CFAP54: variants seen among roughly 807,000 people sequenced by gnomAD.
CFAP54 encodes cilia- and flagella-associated protein 54.
Under a neutral mutation model 370.4 loss-of-function variants are expected in CFAP54, and 290 were observed. That is an observed-to-expected ratio of 0.78 (90% confidence interval 0.71 to 0.86). The LOEUF (loss-of-function observed/expected upper bound fraction) is 0.86. Ranked by LOEUF, CFAP54 falls within the 40% of genes least tolerant of loss-of-function variation. CFAP54 has a pLI of 0.00. For missense variants in CFAP54, 3,399 were observed against 3,528.7 expected, an observed-to-expected ratio of 0.96 and a Z score of 0.93; for synonymous variants, 1,206 against 1,236.5, an observed-to-expected ratio of 0.98 and a Z score of 0.52.
intron 14 of CFAP54, among the ~76,000 whole-genome samples, chr12:96,542,700 C>T (rs1271097839): frequency 1.3e-5 from 2 of 152,112 alleles, no homozygotes; most frequent in Non-Finnish European, 2.9e-5. Context: ...AAGGATTTTT[C>T]AAAACATAAA....
intron 58 of CFAP54, among the ~76,000 whole-genome samples, chr12:96,758,467 C>T (rs566649089): frequency 1.3e-5 from 2 of 152,232 alleles, no homozygotes; most frequent in African/African-American, 4.8e-5. Flanking sequence ...ACCATGAGAA[C>T]AGTATGGGAG....
At position 96,581,013 on chromosome 12, in the gene CFAP54, A is replaced by G; in HGVS notation, c.2983A>G (p.Lys995Glu). 6.5e-7 allele frequency: 1 copy of G among 1,534,250 alleles called. No individual in the cohort carries two copies. Among genetic ancestry groups the G allele is most frequent in the Non-Finnish European group, 8.7e-7 (1 of 1,145,724 alleles). Residue 995 changes from lysine to glutamate, a missense_variant, in exon 22 of 68, where the codon AAG becomes GAG. Transcript: ENST00000524981. ...FAVAAYSNNGKLVGGAIGETT... is the reference protein window; with the variant it reads ...FAVAAYSNNGELVGGAIGETT... ...AGTTGCTGCCTATTCTAACAACGGAAAGCTTGTCGGTGGTGCTATTGGGGA... is the reference window on the plus strand; with the variant it reads ...AGTTGCTGCCTATTCTAACAACGGAGAGCTTGTCGGTGGTGCTATTGGGGA...
rs1417329698 is a variant in CFAP54, at chr12:96,792,333, A to G, written c.8684A>G (p.Tyr2895Cys). The change falls in exon 63 of 68, where the codon TAT (tyrosine) becomes TGT (cysteine). Residue 2895 changes from tyrosine (Y) to cysteine (C), a missense_variant. This residue lies in a region of CFAP54 where 2,796 missense variants were observed against 2,869.7 expected (regional missense o/e 0.97). Transcript: ENST00000524981. ...ATGTTTTTGTTTGTTCCCTAGTTGT[A>G]TCGCGATAGTTCTGTACAATCCATT... Reference protein sequence around the residue: ...KDLRESSAKLYRDSSVQSILS... With the variant: ...KDLRESSAKLCRDSSVQSILS... 6.6e-7 allele frequency: 1 copy of G among 1,508,316 alleles called. No homozygotes were observed. The highest frequency in any genetic ancestry group is 8.8e-7 in the Non-Finnish European group (1 of 1,133,984). The allele number at this position is 1,508,316 out of a possible 1,614,324, so 93.4% of individuals were successfully genotyped here.
At chr12:96,508,448 G>A (rs1247974661) in intron 4 of CFAP54, among the ~76,000 whole-genome samples, 2 of 151,636 alleles carry the variant, frequency 1.3e-5, no homozygotes, top group Non-Finnish European at 2.9e-5. Flanking sequence ...ACCACACCCG[G>A]CCAATTTTTG....
intron 63 of CFAP54, among the ~76,000 whole-genome samples, chr12:96,800,667 A>G (rs1216418488): frequency 4.6e-5 from 7 of 152,208 alleles, no homozygotes. Context: ...TCATCGTTTT[A>G]GGATTTTAGC....
At chr12:96,632,319 C>G (rs1219447521) in intron 32 of CFAP54, among the ~76,000 whole-genome samples, 1 of 151,600 alleles carries the variant, frequency 6.6e-6, no homozygotes, top group Non-Finnish European at 1.5e-5. Flanking sequence ...ATCAATGTTT[C>G]CCTTTATTGT....
intron 40 of CFAP54, chr12:96,682,123 T>C (rs1957280390): frequency 1.1e-6 from 1 of 948,974 alleles, no homozygotes; most frequent in Non-Finnish European, 1.3e-6. Flanking sequence ...TTTATTATTA[T>C]TATTTTTCAT....
chr12:96,664,799 A>ATCTATATCTATC (rs1565934601), intron 39 of CFAP54, among the ~76,000 whole-genome samples: 1 of 25,084 alleles, frequency 4.0e-5, no homozygotes, highest in Non-Finnish European at 8.1e-5. Context: ...ATATATATAT[A>ATCTATATCTATC]TATATATATA....
rs1328666845 is a variant in CFAP54, at chr12:96,827,780, A to C, written c.9097-1234A>C. On this transcript the variant is annotated intron_variant, in intron 65 of 67. Transcript: ENST00000524981. Reference sequence around the variant, plus strand: ...GTAACATATTATATTATATATAGTTATATATAATATATAATTATATATAAT... The same window carrying C: ...GTAACATATTATATTATATATAGTTCTATATAATATATAATTATATATAAT... Among the ~76,000 whole-genome samples, 6 of 79,794 alleles carry C rather than the reference A, an allele frequency of 7.5e-5. No individual in the cohort carries two copies. In the East Asian group the frequency reaches 2.0e-3, roughly 26 times the overall value. 52.3% of individuals were successfully genotyped at this position (79,794 alleles called of 152,430 possible).
At chr12:96,735,588 T>C (rs1246590061) in intron 50 of CFAP54, among the ~76,000 whole-genome samples, 1 of 152,198 alleles carries the variant, frequency 6.6e-6, no homozygotes, top group African/African-American at 2.4e-5. Flanking sequence ...CATAACTGAA[T>C]ACAGATGTCA....
intron 33 of CFAP54, chr12:96,645,375 A>G: frequency 3.4e-6 from 1 of 293,238 alleles, no homozygotes; most frequent in Non-Finnish European, 6.9e-6. Flanking sequence ...TAAAATACCC[A>G]GGAATCCAAC....
At chr12:96,588,221 T>C (rs1239575257) in intron 22 of CFAP54, among the ~76,000 whole-genome samples, 2 of 152,136 alleles carry the variant, frequency 1.3e-5, no homozygotes, top group Non-Finnish European at 2.9e-5. Flanking sequence ...CTGACCTGCC[T>C]CTCCAGTCTC....
intron 32 of CFAP54, 60 bp from the exon 33 acceptor site, chr12:96,644,118 T>C: frequency 1.8e-6 from 2 of 1,133,884 alleles, no homozygotes; most frequent in South Asian, 1.5e-5. Flanking sequence ...GGAATGATTC[T>C]TCTTTATTAA....
chr12:96,866,217 T>G (rs1213602600), intron 67 of CFAP54, among the ~76,000 whole-genome samples: 1 of 152,080 alleles, frequency 6.6e-6, no homozygotes, highest in Non-Finnish European at 1.5e-5. Context: ...GAATTGCAAC[T>G]TTGACTCTAA....
chr12:96,510,823 C>T (rs1230298839), intron 4 of CFAP54, among the ~76,000 whole-genome samples: 2 of 151,860 alleles, frequency 1.3e-5, no homozygotes, highest in African/African-American at 4.8e-5. Context: ...ATTAGCTGAG[C>T]GTGGTGGCGA....
intron 17 of CFAP54, among the ~76,000 whole-genome samples, chr12:96,560,322 C>A (rs1955802205): frequency 6.6e-6 from 1 of 152,178 alleles, no homozygotes; most frequent in Admixed American, 6.5e-5. Context: ...CGACTCTCTA[C>A]CTCCATGAGG....
At chr12:96,647,472 C>CAAAAA (rs57089692) in intron 33 of CFAP54, among the ~76,000 whole-genome samples, 5,006 of 40,572 alleles carry the variant, frequency 0.12, 826 homozygotes, top group East Asian at 0.38. Flanking sequence ...GACTCTGTCC[C>CAAAAA]AAAAAAAAAA....
intron 26 of CFAP54, among the ~76,000 whole-genome samples, chr12:96,619,465 T>G (rs1357521684): frequency 8.7e-6 from 1 of 115,162 alleles, no homozygotes; most frequent in Non-Finnish European, 1.8e-5. Flanking sequence ...TCTTTCTTCT[T>G]TAAGCATCAG....
chr12:96,526,673 G>A (rs1026550769), intron 8 of CFAP54, among the ~76,000 whole-genome samples: 1 of 151,998 alleles, frequency 6.6e-6, no homozygotes, highest in Non-Finnish European at 1.5e-5. Context: ...TGCTTAATAA[G>A]CAAACCATAA....
Sources: gnomAD v4.1 joint callset for allele counts (sites outside exome capture counted in the v4.1 genomes callset) on GRCh38, gnomAD v4.1.1 for gene constraint, gnomAD v4.1.1 regional missense constraint, MANE v1.5 for transcripts, NCBI Gene and HGNC (gene_info 2026-07-23, HGNC 2026-07-21) for gene names.